Variants in TMEM117 observed in about 807,000 individuals in gnomAD.
TMEM117 encodes the protein transmembrane protein 117.
In TMEM117, 27 loss-of-function variants were observed where a neutral mutation model predicts 52.4. That is an observed-to-expected ratio of 0.51 (90% CI 0.38 to 0.71). The LOEUF is 0.71. Ranked by LOEUF, TMEM117 falls within the 30% of genes least tolerant of loss-of-function variation. The pLI, the probability that TMEM117 is intolerant of heterozygous loss-of-function variation, is 0.00. For missense variants in TMEM117, 556 were observed against 630.5 expected (o/e 0.88, Z 1.26); for synonymous variants, 215 against 206.3 (o/e 1.04, Z -0.36).
intron 6 of TMEM117, among the ~76,000 whole-genome samples, chr12:44,329,137 A>C (rs192729663): frequency 2.0e-5 from 3 of 152,204 alleles, no homozygotes; most frequent in Admixed American, 6.6e-5. Flanking sequence ...TGACTGCTAC[A>C]GCTCTATAAC....
intron 4 of TMEM117, among the ~76,000 whole-genome samples, chr12:44,188,107 A>G (rs1285865267): frequency 6.6e-6 from 1 of 152,164 alleles, no homozygotes; most frequent in East Asian, 1.9e-4. Context: ...GCATAAACAC[A>G]AGACTTAAAG....
At chr12:44,138,549 T>G (rs1419855590) in intron 3 of TMEM117, among the ~76,000 whole-genome samples, 3 of 152,212 alleles carry the variant, frequency 2.0e-5, no homozygotes, top group African/African-American at 7.2e-5. Flanking sequence ...CCCGTCTTCT[T>G]AGATATGTCT....
At chr12:43,944,653 C>T (rs1366616403) in intron 3 of TMEM117, among the ~76,000 whole-genome samples, 1 of 151,996 alleles carries the variant, frequency 6.6e-6, no homozygotes, top group South Asian at 2.1e-4. Flanking sequence ...TATTGATTTG[C>T]ATATATTCAA....
intron 3 of TMEM117, among the ~76,000 whole-genome samples, chr12:44,087,079 T>C (rs1947583669): frequency 6.7e-6 from 1 of 150,150 alleles, no homozygotes; most frequent in Admixed American, 6.7e-5. Context: ...AAGAGTATGA[T>C]GCCTTTTTTC....
chr12:44,071,091 A>T (rs1467745649), intron 3 of TMEM117, among the ~76,000 whole-genome samples: 1 of 152,224 alleles, frequency 6.6e-6, no homozygotes, highest in Non-Finnish European at 1.5e-5. Context: ...TTAGTTTTAT[A>T]AATTGCATAA....
In TMEM117 at chr12:44,061,882, T is replaced by A. The variant is rs542615316; in HGVS notation, c.411-81643T>A. Among the ~76,000 whole-genome samples the A allele has an allele frequency of 9.2e-5, 14 of 152,130 alleles. No homozygotes were observed. The South Asian group carries it at 2.9e-3, about 32-fold the overall frequency. ...GAGATTAGATGGACTCAAAAATAGG[T>A]TTATAGGCCATGAATAAGAGGTGGT... On this transcript the variant is annotated intron_variant, in intron 3 of 7. Coordinates refer to ENST00000266534, the MANE Select transcript of TMEM117 (RefSeq NM_032256.3).
chr12:44,082,731 C>T (rs938502989), intron 3 of TMEM117, among the ~76,000 whole-genome samples: 1 of 152,006 alleles, frequency 6.6e-6, no homozygotes, highest in Non-Finnish European at 1.5e-5. Context: ...TTATGCAACA[C>T]AACAATATAA....
chr12:44,327,023 TA>T (rs1230432212), intron 6 of TMEM117, among the ~76,000 whole-genome samples: 1 of 152,196 alleles, frequency 6.6e-6, no homozygotes, highest in Non-Finnish European at 1.5e-5. Flanking sequence ...GATAAGTCAT[TA>T]AAAAACTTGA....
At chr12:43,803,554 T>C in the TMEM117 span, among the ~76,000 whole-genome samples, 1 of 152,096 alleles carries the variant, frequency 6.6e-6, no homozygotes, top group Non-Finnish European at 1.5e-5. Context: ...AATAATAACT[T>C]AGGAAGTAGT....
At chr12:44,149,397 A>G (rs568870975) in intron 4 of TMEM117, among the ~76,000 whole-genome samples, 167 of 152,364 alleles carry the variant, frequency 1.1e-3, no homozygotes, top group Non-Finnish European at 9.1e-4. Flanking sequence ...TTACAACTCT[A>G]GAACAGAATA....
the TMEM117 span, chr12:43,797,821 C>G: frequency 6.2e-7 from 1 of 1,613,004 alleles, no homozygotes; most frequent in South Asian, 1.1e-5. Flanking sequence ...TCCACACCCA[C>G]GTCAGTCTGT....
intron 6 of TMEM117, among the ~76,000 whole-genome samples, chr12:44,344,383 T>G (rs2138760053): frequency 6.6e-6 from 1 of 152,240 alleles, no homozygotes; most frequent in South Asian, 2.1e-4. Flanking sequence ...TTGTACTTGG[T>G]TTAATGACAG....
chr12:43,848,240 A>G (rs1044514164), intron 2 of TMEM117, among the ~76,000 whole-genome samples: 5 of 152,190 alleles, frequency 3.3e-5, no homozygotes, highest in Admixed American at 2.0e-4. Flanking sequence ...CTTAAACAAC[A>G]GAAAACAGCA....
chr12:44,330,586 A>G (rs1210128263), intron 6 of TMEM117, among the ~76,000 whole-genome samples: 1 of 152,088 alleles, frequency 6.6e-6, no homozygotes, highest in Non-Finnish European at 1.5e-5. Flanking sequence ...TTTTATACTT[A>G]TAGCACATCT....
chr12:43,938,432 C>T (rs1406332312), intron 2 of TMEM117, among the ~76,000 whole-genome samples: 1 of 151,730 alleles, frequency 6.6e-6, no homozygotes, highest in Non-Finnish European at 1.5e-5. Context: ...TCTTTTCATC[C>T]ATGGACAACA....
intron 2 of TMEM117, among the ~76,000 whole-genome samples, chr12:43,890,165 G>C (rs749384327): frequency 6.6e-6 from 1 of 152,138 alleles, no homozygotes; most frequent in Admixed American, 6.5e-5. Context: ...AAAAAGGAGA[G>C]AAGTGACATT....
chr12:44,072,186 C>G (rs904614531), intron 3 of TMEM117, among the ~76,000 whole-genome samples: 1 of 151,616 alleles, frequency 6.6e-6, no homozygotes, highest in Non-Finnish European at 1.5e-5. Flanking sequence ...ACCACAGTAG[C>G]TCTTTTCTTG....
chr12:43,946,330 TATATAAA>T (rs976606194), intron 3 of TMEM117, among the ~76,000 whole-genome samples: 1 of 150,862 alleles, frequency 6.6e-6, no homozygotes, highest in African/African-American at 2.4e-5. Context: ...CATGATATAA[TATATAAA>T]ATATATCTTC....
intron 4 of TMEM117, among the ~76,000 whole-genome samples, chr12:44,199,775 A>G (rs964752921): frequency 6.6e-6 from 1 of 152,190 alleles, no homozygotes; most frequent in African/African-American, 2.4e-5. Flanking sequence ...TGGTATTACT[A>G]TTATCTTCAA....
Sources: allele counts gnomAD v4.1 joint callset (sites outside exome capture counted in the v4.1 genomes callset), GRCh38; gene constraint gnomAD v4.1.1; transcripts MANE v1.5; gene names NCBI Gene and HGNC (gene_info 2026-07-23, HGNC 2026-07-21).